The following RASGRP3 variants were observed in gnomAD, a reference collection of about 807,000 sequenced individuals.
RASGRP3 encodes the protein ras guanyl-releasing protein 3.
RASGRP3 carries 54 observed loss-of-function variants against 82.7 expected under a neutral mutation model. The observed-to-expected ratio is 0.65, with a 90% CI of 0.52 to 0.82. RASGRP3 has a LOEUF of 0.82. Among genes scored for constraint, RASGRP3 ranks in the 40% least tolerant of loss-of-function variants. RASGRP3 has a pLI of 0.00. For missense variants in RASGRP3, 861 were observed against 828.9 expected (o/e 1.04, Z -0.48); for synonymous variants, 309 against 300.5 (o/e 1.03, Z -0.29).
chr2:33,496,201 A>G (rs1303604964), intron 1 of RASGRP3, among the ~76,000 whole-genome samples: 2 of 152,232 alleles, frequency 1.3e-5, no homozygotes, highest in African/African-American at 2.4e-5. Context: ...TTCATGGTTC[A>G]TTATTTGTAT....
intron 4 of RASGRP3, among the ~76,000 whole-genome samples, chr2:33,517,520 G>C (rs1011341447): frequency 6.6e-6 from 1 of 152,206 alleles, no homozygotes; most frequent in Non-Finnish European, 1.5e-5. Flanking sequence ...TCTGGAGCCA[G>C]TAGGGTGTCC....
chr2:33,520,831 C>G (rs1169828890), intron 6 of RASGRP3, 147 bp downstream of exon 6: 1 of 1,047,996 alleles, frequency 9.5e-7, no homozygotes, highest in South Asian at 1.7e-5. Context: ...GAGCGCAAGC[C>G]GTATGGGACA....
In RASGRP3 at chr2:33,528,143, C is replaced by T. The variant is rs142026317; in HGVS notation, c.1083+731C>T. Among the ~76,000 whole-genome samples the T allele has an allele frequency of 3.8e-3, 572 of 152,324 alleles. 4 individuals are homozygous for T. Among genetic ancestry groups the T allele is most frequent in the African/African-American group, 0.013 (529 of 41,574 alleles). On this transcript the variant is annotated intron_variant, in intron 10 of 17. Coordinates refer to ENST00000403687, the MANE Select transcript of RASGRP3 (RefSeq NM_001139488.2). ...TCATGCATCTGTCACATCACCCTGG[C>T]ACTTTATATTTTCCTTAACTATAGG... is the stretch of plus-strand genomic sequence containing the variant.
Position 33,562,842 on chromosome 2 carries a change from C to A in RASGRP3, c.*105C>A, listed in dbSNP as rs1472802387. 4.2e-6 allele frequency: 6 copies of A among 1,433,492 alleles called. No homozygotes were observed. The highest frequency in any genetic ancestry group is 5.8e-6 in the Non-Finnish European group (6 of 1,027,040). 88.8% of individuals were successfully genotyped at this position (1,433,492 alleles called of 1,614,324 possible). A position where few individuals can be genotyped will look rare whatever the true frequency, so the allele number is the denominator to read the frequency against. On this transcript the variant is annotated 3_prime_UTR_variant, in exon 18 of 18. Coordinates refer to ENST00000403687, the MANE Select transcript of RASGRP3 (RefSeq NM_001139488.2). ...TCTCAGGAAGTTATCTGGAAAGATA[C>A]CTGGATGTTTACTGCCTTGGGACAC... is the stretch of plus-strand genomic sequence containing the variant.
At position 33,461,447 on chromosome 2, in the gene RASGRP3, T is replaced by A. The variant is rs186281612; in HGVS notation, c.-261+13504T>A. Among the ~76,000 whole-genome samples the A allele has an allele frequency of 5.4e-3, 815 of 152,302 alleles. 5 individuals are homozygous for A. The highest frequency in any genetic ancestry group is 0.024 in the Middle Eastern group (7 of 294). The stretch of plus-strand genomic sequence containing the variant: ...GTGCCGTCACGACACTCAGCTAATT[T>A]TTGTATTTTTAGTAGAGGCGGGGTT... On this transcript the variant is annotated intron_variant, in intron 2 of 18. Coordinates refer to the RASGRP3 transcript ENST00000402538.
intron 14 of RASGRP3, 81 bp downstream of exon 14, chr2:33,549,832 A>T (rs1408909065): frequency 6.9e-7 from 1 of 1,453,134 alleles, no homozygotes; most frequent in Non-Finnish European, 9.3e-7. Flanking sequence ...GATACACTAA[A>T]TAAAGTTCAC....
intron 1 of RASGRP3, among the ~76,000 whole-genome samples, chr2:33,484,299 G>A (rs1294934175): frequency 6.6e-6 from 1 of 152,188 alleles, no homozygotes; most frequent in Non-Finnish European, 1.5e-5. Context: ...CAAGTCTCAA[G>A]TTAATATAGA....
rs181218768 is a variant in RASGRP3 at position 33,551,678 on chromosome 2, C to T, written c.1542+1927C>T. Among the ~76,000 whole-genome samples the T allele has an allele frequency of 3.4e-4, 51 of 151,756 alleles. No individual in the cohort carries two copies. In the East Asian group the frequency reaches 7.8e-3, roughly 23 times the overall value. ...ATAAAGAGACACCTGCCACTGCCAT[C>T]GCTAAATATAATAATAACAATAATA... On this transcript the variant is annotated intron_variant, in intron 14 of 17. Transcript: ENST00000403687.
At chr2:33,499,582 G>A (rs1254450013) in intron 1 of RASGRP3, among the ~76,000 whole-genome samples, 1 of 152,000 alleles carries the variant, frequency 6.6e-6, no homozygotes, top group Non-Finnish European at 1.5e-5. Context: ...ACCAAAACCA[G>A]TTTTTGGTAT....
At chr2:33,486,239 A>G (rs1051499353) in intron 1 of RASGRP3, among the ~76,000 whole-genome samples, 3 of 150,584 alleles carry the variant, frequency 2.0e-5, no homozygotes, top group Non-Finnish European at 4.4e-5. Flanking sequence ...ATCTTGGCTC[A>G]CTGCTACCTC....
In RASGRP3 at chr2:33,562,091, C is replaced by G. The variant is rs1376929585; in HGVS notation, c.2065-638C>G. ...ACATATGTAGATTTACAGATTTTCT[C>G]AGTGCCCTCTTGCACTAATTTACAC... On this transcript the variant is annotated intron_variant, in intron 17 of 17. Transcript: ENST00000403687. Among the ~76,000 whole-genome samples the G allele has an allele frequency of 2.0e-5, 3 of 152,068 alleles. No individual in the cohort carries two copies. The East Asian group carries it at 5.8e-4, about 29-fold the overall frequency.
At chr2:33,520,485 G>T (rs938827742) in intron 5 of RASGRP3, 68 bp from the exon 6 acceptor site, 1 of 1,584,196 alleles carries the variant, frequency 6.3e-7, no homozygotes, top group African/African-American at 1.3e-5. Flanking sequence ...CTGTAAAACG[G>T]TACAATCGTT....
chr2:33,513,342 C>T (rs1193431943), intron 2 of RASGRP3, among the ~76,000 whole-genome samples: 1 of 152,192 alleles, frequency 6.6e-6, no homozygotes, highest in Non-Finnish European at 1.5e-5. Context: ...ACTAATACAA[C>T]CATACATATG....
chr2:33,453,262 T>C (rs983962696), intron 2 of RASGRP3, among the ~76,000 whole-genome samples: 3 of 152,338 alleles, frequency 2.0e-5, no homozygotes, highest in African/African-American at 7.2e-5. Context: ...ACACATTATC[T>C]ACCTTTGTTT....
At chr2:33,475,281 C>T (rs1303077431), upstream of RASGRP3, among the ~76,000 whole-genome samples, 1 of 152,228 alleles carries the variant, frequency 6.6e-6, no homozygotes, top group Non-Finnish European at 1.5e-5. Flanking sequence ...CAACAAATTA[C>T]TGCCCTGATA....
chr2:33,560,732 A>G (rs942144875), intron 17 of RASGRP3, among the ~76,000 whole-genome samples: 1 of 152,242 alleles, frequency 6.6e-6, no homozygotes, highest in African/African-American at 2.4e-5. Flanking sequence ...TAGGACGCCT[A>G]CCAGAGTGCT....
At chr2:33,512,314 G>A (rs1243139547) in intron 2 of RASGRP3, among the ~76,000 whole-genome samples, 1 of 152,212 alleles carries the variant, frequency 6.6e-6, no homozygotes, top group Admixed American at 6.5e-5. Flanking sequence ...GCTCAGCTGA[G>A]TAATTTTGGT....
chr2:33,473,892 G>T (rs1667205721), upstream of RASGRP3, among the ~76,000 whole-genome samples: 1 of 152,184 alleles, frequency 6.6e-6, no homozygotes. Flanking sequence ...ATGAGGGGAT[G>T]GAGATGATTT....
chr2:33,476,009 G>T (rs1667337664), upstream of RASGRP3, among the ~76,000 whole-genome samples: 1 of 152,198 alleles, frequency 6.6e-6, no homozygotes, highest in Admixed American at 6.5e-5. Flanking sequence ...AGATAAAGCT[G>T]CCTTTGATAG....
Sources: gnomAD v4.1 joint callset for allele counts (sites outside exome capture counted in the v4.1 genomes callset) on GRCh38, gnomAD v4.1.1 for gene constraint, MANE v1.5 for transcripts, NCBI Gene and HGNC (gene_info 2026-07-23, HGNC 2026-07-21) for gene names.